Variants in KCNJ10 observed in about 807,000 individuals in gnomAD.
KCNJ10 encodes potassium inwardly rectifying channel subfamily J member 10.
In KCNJ10, 9 loss-of-function variants were observed where a neutral mutation model predicts 22.2. That is an observed-to-expected ratio of 0.40 (90% CI 0.24 to 0.71). KCNJ10 has a LOEUF of 0.71. Among genes scored for constraint, KCNJ10 ranks in the 30% least tolerant of loss-of-function variants. The probability of loss-of-function intolerance (pLI) is 0.35; values close to 1 mark genes in which losing one functional copy is unlikely to be tolerated. For synonymous variants in KCNJ10, 184 were observed against 187.3 expected (o/e 0.98, Z 0.15); for missense variants, 337 against 482.7 (o/e 0.70, Z 2.83).
intron 1 of KCNJ10, among the ~76,000 whole-genome samples, chr1:160,063,938 T>A (rs1163500254): frequency 6.6e-6 from 1 of 152,234 alleles, no homozygotes; most frequent in African/African-American, 2.4e-5. Flanking sequence ...AGGTGGGTGC[T>A]TTTTAAAGTC....
chr1:160,068,253 C>G (rs1649369640), intron 1 of KCNJ10, among the ~76,000 whole-genome samples: 1 of 149,886 alleles, frequency 6.7e-6, no homozygotes, highest in African/African-American at 2.5e-5. Flanking sequence ...GGGCTGGAAC[C>G]ATAACCCTGC....
At chr1:160,058,836 A>G (rs1473084858) in intron 1 of KCNJ10, among the ~76,000 whole-genome samples, 1 of 152,166 alleles carries the variant, frequency 6.6e-6, no homozygotes, top group Non-Finnish European at 1.5e-5. Flanking sequence ...AGCTTTTCTT[A>G]GCAAATAATG....
At chr1:160,067,851 G>A (rs1035608237) in intron 1 of KCNJ10, 1 of 152,040 alleles carries the variant, frequency 6.6e-6, no homozygotes, top group Non-Finnish European at 1.5e-5. Context: ...ACCCCCTAGA[G>A]CTTTAAACCC....
At chr1:160,054,585 A>T (rs967610246) in intron 1 of KCNJ10, among the ~76,000 whole-genome samples, 2 of 152,224 alleles carry the variant, frequency 1.3e-5, no homozygotes, top group Non-Finnish European at 2.9e-5. Flanking sequence ...GTTCCGAAGG[A>T]CACTAGGGAA....
At chr1:160,053,252 C>T (rs1416741854) in intron 1 of KCNJ10, among the ~76,000 whole-genome samples, 1 of 152,202 alleles carries the variant, frequency 6.6e-6, no homozygotes, top group Non-Finnish European at 1.5e-5. Context: ...ATCTCACCAA[C>T]CATATTATCT....
At chr1:160,063,853 T>G (rs1649256637) in intron 1 of KCNJ10, among the ~76,000 whole-genome samples, 1 of 152,208 alleles carries the variant, frequency 6.6e-6, no homozygotes, top group Non-Finnish European at 1.5e-5. Context: ...GCTCCGGAAT[T>G]TAATGAGAGC....
chr1:160,046,802 A>G (rs573756386), intron 1 of KCNJ10, among the ~76,000 whole-genome samples: 1 of 152,256 alleles, frequency 6.6e-6, no homozygotes, highest in South Asian at 2.1e-4. Flanking sequence ...AGCTCTGGAA[A>G]TCATCTGTTG....
chr1:160,053,144 C>A (rs1421822076), intron 1 of KCNJ10, among the ~76,000 whole-genome samples: 1 of 152,088 alleles, frequency 6.6e-6, no homozygotes, highest in African/African-American at 2.4e-5. Context: ...TCACTTCCTG[C>A]TGTAAATCTC....
rs1194350781 is a variant in KCNJ10, at chr1:160,041,643, C to T, written c.890G>A (p.Arg297His). The change falls in exon 2 of 2, where the codon CGC becomes CAC. Residue 297 changes from arginine (R) to histidine (H), a missense_variant. Around this residue, in one of 3 missense-constraint regions of KCNJ10, gnomAD observed 165 missense variants for 281.5 expected, o/e 0.59. Coordinates refer to ENST00000644903, the MANE Select transcript of KCNJ10 (RefSeq NM_002241.5). The surrounding 1 kb of genome is among the most constrained non-coding windows in gnomAD (Gnocchi z 4.4). ...VESTSATCQV[R>H]TSYLPEEILW... ...GATCTCCTCTGGCAGGTAGGAAGTG[C>T]GCACCTGACAGGTGGCACTGGTGGA... 5 of 1,614,134 alleles carry T rather than the reference C, an allele frequency of 3.1e-6. No homozygotes were observed. The highest frequency in any genetic ancestry group is 3.3e-5 in the Admixed American group (2 of 60,020).
chr1:160,043,075 C>T lies in KCNJ10; in HGVS notation c.1-543G>A, dbSNP rs549346805. Reference sequence around the variant, plus strand: ...ACAGTCTGATATTTGTAATTCTTAGCGGAAGAGAGGCAGAAAAGAAAGAGT... The same window carrying T: ...ACAGTCTGATATTTGTAATTCTTAGTGGAAGAGAGGCAGAAAAGAAAGAGT... On this transcript the variant is annotated intron_variant, in intron 1 of 1. Coordinates refer to ENST00000644903, the MANE Select transcript of KCNJ10 (RefSeq NM_002241.5). Among the ~76,000 whole-genome samples, 26 of 152,144 alleles carry T rather than the reference C, an allele frequency of 1.7e-4. No individual in the cohort carries two copies. The South Asian group carries it at 2.9e-3, about 17-fold the overall frequency.
Position 160,038,845 on chromosome 1 carries a change from C to T in KCNJ10, c.*2548G>A, listed in dbSNP as rs1167149074. On this transcript the variant is annotated 3_prime_UTR_variant, in exon 2 of 2. Coordinates refer to ENST00000644903, the MANE Select transcript of KCNJ10 (RefSeq NM_002241.5). ...ATCATTTCTTTCTCATCTTCTCACC[C>T]CAGGTATCTTCCCCCATCAGTTGTT... 3 of 152,216 alleles carry T rather than the reference C, an allele frequency of 2.0e-5. No individual in the cohort carries two copies. Among genetic ancestry groups the T allele is most frequent in the Non-Finnish European group, 2.9e-5 (2 of 68,054 alleles). The allele number at this position is 152,216 out of a possible 1,614,324, so 9.4% of individuals were successfully genotyped here. A position where few individuals can be genotyped will look rare whatever the true frequency, so the allele number is the denominator to read the frequency against.
At chr1:160,068,361 G>A (rs1002358055) in intron 1 of KCNJ10, among the ~76,000 whole-genome samples, 2 of 152,080 alleles carry the variant, frequency 1.3e-5, no homozygotes, top group Non-Finnish European at 2.9e-5. Context: ...CTCTGAGTGG[G>A]GGGTGGGGGG....
At chr1:160,047,104 G>A (rs1054457812) in intron 1 of KCNJ10, among the ~76,000 whole-genome samples, 2 of 152,168 alleles carry the variant, frequency 1.3e-5, no homozygotes, top group African/African-American at 4.8e-5. Flanking sequence ...TCTTCCTGAA[G>A]CTGTCTTTTT....
At chr1:160,058,318 C>G (rs1342417609) in intron 1 of KCNJ10, among the ~76,000 whole-genome samples, 1 of 152,200 alleles carries the variant, frequency 6.6e-6, no homozygotes, top group East Asian at 1.9e-4. Flanking sequence ...CAGCCCCACC[C>G]TGTCAACACT....
intron 1 of KCNJ10, among the ~76,000 whole-genome samples, chr1:160,052,796 G>A (rs1398463598): frequency 2.0e-5 from 3 of 152,092 alleles, no homozygotes; most frequent in Non-Finnish European, 4.4e-5. Flanking sequence ...TGTGGAATAG[G>A]GGTTGGTATT....
chr1:160,041,300 G>C lies in KCNJ10; in HGVS notation c.*93C>G. On this transcript the variant is annotated 3_prime_UTR_variant, in exon 2 of 2. Coordinates refer to ENST00000644903, the MANE Select transcript of KCNJ10 (RefSeq NM_002241.5). The surrounding 1 kb of genome is among the most constrained non-coding windows in gnomAD (Gnocchi z 4.4). ...AGAGGGAGTGGAGGATGGGTGCTTC[G>C]GGGGATCTCCAGTAAACCCGGGTAG... is the stretch of plus-strand genomic sequence containing the variant. 1 of 1,287,544 alleles carries C rather than the reference G, an allele frequency of 7.8e-7. No homozygotes were observed. Among genetic ancestry groups the C allele is most frequent in the East Asian group, 2.5e-5 (1 of 40,182 alleles). The allele number at this position is 1,287,544 out of a possible 1,614,324, so 79.8% of individuals were successfully genotyped here. A position where few individuals can be genotyped will look rare whatever the true frequency, so the allele number is the denominator to read the frequency against.
chr1:160,053,426 G>GAAAAGC (rs1648951009), intron 1 of KCNJ10, among the ~76,000 whole-genome samples: 2 of 152,212 alleles, frequency 1.3e-5, no homozygotes, highest in African/African-American at 2.4e-5. Context: ...AGGGCAGGAA[G>GAAAAGC]AAAAGCACTG....
In KCNJ10 at chr1:160,042,148, T is replaced by C. The variant is rs751625111; in HGVS notation, c.385A>G (p.Ile129Val). 29 of 1,584,356 alleles carry C rather than the reference T, an allele frequency of 1.8e-5. No homozygotes were observed. The highest frequency in any genetic ancestry group is 2.3e-5 in the Non-Finnish European group (27 of 1,163,184). The change falls in exon 2 of 2, where the codon ATT (isoleucine) becomes GTT (valine). Residue 129 changes from isoleucine to valine, a missense_variant. Physicochemically the swap from Ile to Val is conservative, Grantham distance 29. Coordinates refer to ENST00000644903, the MANE Select transcript of KCNJ10 (RefSeq NM_002241.5). ...FLFSLESQTT[I>V]GYGFRYISEE... ...CTGATGTAGCGGAAGCCATAGCCAA[T>C]GGTGGTTTGGGATTCAAGGGAGAAG...
At chr1:160,066,913 A>T (rs1473383147) in intron 1 of KCNJ10, among the ~76,000 whole-genome samples, 1 of 152,028 alleles carries the variant, frequency 6.6e-6, no homozygotes, top group Non-Finnish European at 1.5e-5. Flanking sequence ...CCCAGTCTCC[A>T]TTTCAAATGT....
Sources: allele counts gnomAD v4.1 joint callset (sites outside exome capture counted in the v4.1 genomes callset), GRCh38; gene constraint gnomAD v4.1.1; regional missense constraint gnomAD v4.1.1; non-coding constraint Gnocchi (gnomAD v3.1); transcripts MANE v1.5; gene names NCBI Gene and HGNC (gene_info 2026-07-23, HGNC 2026-07-21).